Variants in HDLBP observed in about 807,000 individuals in gnomAD.
The protein encoded by HDLBP is high density lipoprotein binding protein, also known as vigilin.
HDLBP carries 30 observed loss-of-function variants against 137.3 expected under a neutral mutation model. That is an observed-to-expected ratio of 0.22 (90% CI 0.16 to 0.30). The LOEUF (loss-of-function observed/expected upper bound fraction) is 0.30. Ranked by LOEUF, HDLBP falls within the 10% of genes least tolerant of loss-of-function variation. The probability of loss-of-function intolerance (pLI) is 1.00; values close to 1 mark genes in which losing one functional copy is unlikely to be tolerated. For synonymous variants in HDLBP, 606 were observed against 596.0 expected, an observed-to-expected ratio of 1.02 and a Z score of -0.24; for missense variants, 1,119 against 1,667.3, an observed-to-expected ratio of 0.67 and a Z score of 5.73.
intron 22 of HDLBP, 27 bp from the exon 23 acceptor site, chr2:241,235,282 G>A (rs774521541): frequency 5.0e-6 from 8 of 1,614,048 alleles, no homozygotes; most frequent in East Asian, 2.2e-5. Flanking sequence ...CTGACTTGAC[G>A]TTCAGGACCC....
chr2:241,267,429 G>A (rs1002621510), intron 2 of HDLBP: 2 of 710,876 alleles, frequency 2.8e-6, no homozygotes, highest in Non-Finnish European at 4.8e-6. Context: ...AGGGGCCACA[G>A]AGACACAGTC....
At chr2:241,255,670 AGC>A in intron 7 of HDLBP, 90 bp from the exon 8 acceptor site, 1 of 969,170 alleles carries the variant, frequency 1.0e-6, no homozygotes, top group Non-Finnish European at 1.7e-6. Flanking sequence ...AGCAAGCCAA[AGC>A]GGCCCAGACT....
rs1332297147 is a variant in HDLBP at position 241,235,592 on chromosome 2, T to C, written c.2907A>G (p.Ala969=). The stretch of plus-strand genomic sequence containing the variant: ...CTACTTCAATGGTGACAGGAACCAA[T>C]GCCTGCAGGGAGGATGGTCATGGTT... ...KCEAAKEALE[A]LVPVTIEVEV... is the part of the protein sequence containing the mutation. Residue 969 remains alanine, a splice_region_variant and synonymous_variant, in exon 22 of 28, where the codon GCA becomes GCG. Transcript: ENST00000310931. The C allele has an allele frequency of 1.2e-6, 2 of 1,610,872 alleles. No homozygotes were observed.
chr2:241,301,583 A>C (rs2149695077), intron 1 of HDLBP, among the ~76,000 whole-genome samples: 2 of 152,326 alleles, frequency 1.3e-5, no homozygotes, highest in South Asian at 4.1e-4. Flanking sequence ...ATATACACTC[A>C]GGAGTAAGCA....
chr2:241,268,112 G>C (rs1261827075), intron 2 of HDLBP, among the ~76,000 whole-genome samples: 1 of 152,120 alleles, frequency 6.6e-6, no homozygotes, highest in Non-Finnish European at 1.5e-5. Flanking sequence ...AATAAGGAGT[G>C]AATTTTGCAT....
chr2:241,229,845 G>C lies in HDLBP; in HGVS notation c.3708C>G (p.Ser1236Arg). 1 of 1,571,086 alleles carries C rather than the reference G, an allele frequency of 6.4e-7. No individual in the cohort carries two copies. Among genetic ancestry groups the C allele is most frequent in the East Asian group, 2.3e-5 (1 of 42,796 alleles). Residue 1236 changes from serine (S) to arginine (R), a missense_variant, in exon 27 of 28, where the codon AGC becomes AGG. Around this residue, in one of 4 missense-constraint regions of HDLBP, gnomAD observed 618 missense variants for 816.7 expected, o/e 0.76. Transcript: ENST00000310931. ...GCCCGCATCTGACCTTCTCACTGCT[G>C]CTGGCGGTCCAGGGTGCGTCCCGCA... ...FVVRDAPWTASSSEKAPDMSS... is the reference protein window; with the variant it reads ...FVVRDAPWTARSSEKAPDMSS...
At chr2:241,314,329 GCTT>G (rs2075903971) in intron 1 of HDLBP, among the ~76,000 whole-genome samples, 2 of 152,268 alleles carry the variant, frequency 1.3e-5, no homozygotes, top group South Asian at 4.1e-4. Context: ...TGAACATTAA[GCTT>G]ATTATGCAAT....
chr2:241,274,851 G>C (rs1360837517), intron 1 of HDLBP, among the ~76,000 whole-genome samples: 1 of 152,172 alleles, frequency 6.6e-6, no homozygotes, highest in Non-Finnish European at 1.5e-5. Flanking sequence ...ACGTCTGTCT[G>C]TGACATTTGA....
intron 1 of HDLBP, among the ~76,000 whole-genome samples, chr2:241,279,209 G>A (rs1054483422): frequency 3.3e-5 from 5 of 152,074 alleles, no homozygotes; most frequent in South Asian, 2.1e-4. Context: ...GAAATTCAAT[G>A]CAAATGTAAC....
Position 241,301,771 on chromosome 2 carries a change from G to T in HDLBP, c.-103+13799C>A, listed in dbSNP as rs560417961. On this transcript the variant is annotated intron_variant, in intron 1 of 27. Coordinates refer to ENST00000310931, the MANE Select transcript of HDLBP (RefSeq NM_005336.6). ...AAGGGCCATCCTTTCCTTTCGTTTT[G>T]TTTTTTTTTTTAATTTTTCAAGAAA... 2.6e-3 allele frequency among the ~76,000 whole-genome samples: 373 copies of T among 144,242 alleles called. 2 individuals are homozygous for T. Among genetic ancestry groups the T allele is most frequent in the Non-Finnish European group, 3.5e-3 (229 of 65,442 alleles). 94.6% of individuals were successfully genotyped at this position (144,242 alleles called of 152,430 possible).
rs1194645278 is a variant in HDLBP at position 241,230,609 on chromosome 2, C to T, written c.3474+150G>A. 1.3e-5 allele frequency: 9 copies of T among 697,054 alleles called. No homozygotes were observed. Among genetic ancestry groups the T allele is most frequent in the Non-Finnish European group, 1.5e-5 (6 of 411,930 alleles). 43.2% of individuals were successfully genotyped at this position (697,054 alleles called of 1,614,324 possible). A position where few individuals can be genotyped will look rare whatever the true frequency, so the allele number is the denominator to read the frequency against. ...ACACAGGCCGTCGCCTGCACTGACC[C>T]GTGGTGTCCATGAGGACAGTTCCAC... On this transcript the variant is annotated intron_variant, in intron 25 of 27. Transcript: ENST00000310931. The surrounding 1 kb of genome is among the most constrained non-coding windows in gnomAD (Gnocchi z 5.0).
At position 241,227,642 on chromosome 2, in the gene HDLBP, G is replaced by A. The variant is rs2069258348; in HGVS notation, c.*1959C>T. ...AAGACATCAAGCGACATACAGAGAT[G>A]TGCAAAACTTGGTGAGAATTAAAAT... On this transcript the variant is annotated 3_prime_UTR_variant, in exon 28 of 28. Coordinates refer to ENST00000310931, the MANE Select transcript of HDLBP (RefSeq NM_005336.6). 6.5e-6 allele frequency: 1 copy of A among 152,706 alleles called. No individual in the cohort carries two copies. Among genetic ancestry groups the A allele is most frequent in the African/African-American group, 2.4e-5 (1 of 41,472 alleles). 9.5% of individuals were successfully genotyped at this position (152,706 alleles called of 1,614,324 possible).
At chr2:241,269,028 C>T (rs1488488924) in intron 1 of HDLBP, 3 of 152,236 alleles carry the variant, frequency 2.0e-5, no homozygotes, top group South Asian at 2.1e-4. Flanking sequence ...AAGAATTCTC[C>T]GTCTATTTTG....
chr2:241,245,780 C>T (rs375559034), intron 16 of HDLBP, among the ~76,000 whole-genome samples: 5 of 151,868 alleles, frequency 3.3e-5, no homozygotes, highest in African/African-American at 4.8e-5. Context: ...CCAGCCTGGA[C>T]GACAGCAAGA....
chr2:241,290,881 T>G (rs1268111781), intron 1 of HDLBP, among the ~76,000 whole-genome samples: 1 of 152,206 alleles, frequency 6.6e-6, no homozygotes, highest in East Asian at 1.9e-4. Context: ...ATGGGATATA[T>G]CCTAATAATG....
At chr2:241,300,590 C>T (rs1286869894) in intron 1 of HDLBP, among the ~76,000 whole-genome samples, 1 of 152,178 alleles carries the variant, frequency 6.6e-6, no homozygotes, top group Non-Finnish European at 1.5e-5. Context: ...TCTAAATATG[C>T]TAAACCAGCC....
At chr2:241,260,423 G>C (rs1445267176) in intron 5 of HDLBP, among the ~76,000 whole-genome samples, 1 of 152,210 alleles carries the variant, frequency 6.6e-6, no homozygotes, top group African/African-American at 2.4e-5. Flanking sequence ...GACAATGCCT[G>C]AGTTCATAAT....
chr2:241,252,468 C>T (rs960115985), intron 11 of HDLBP, among the ~76,000 whole-genome samples: 3 of 152,228 alleles, frequency 2.0e-5, no homozygotes, highest in African/African-American at 7.2e-5. Context: ...CGCCACTGCA[C>T]TCCAGCCTGG....
intron 1 of HDLBP, among the ~76,000 whole-genome samples, chr2:241,312,012 GA>G (rs1442647777): frequency 1.3e-5 from 2 of 152,166 alleles, no homozygotes; most frequent in Admixed American, 6.5e-5. Flanking sequence ...AAAGATCAAG[GA>G]AATCTACTAA....
Sources: allele counts gnomAD v4.1 joint callset (sites outside exome capture counted in the v4.1 genomes callset), GRCh38; gene constraint gnomAD v4.1.1; regional missense constraint gnomAD v4.1.1; non-coding constraint Gnocchi (gnomAD v3.1); transcripts MANE v1.5; gene names NCBI Gene and HGNC (gene_info 2026-07-23, HGNC 2026-07-21).